CACNA2D3: variants seen among roughly 807,000 people sequenced by gnomAD.
CACNA2D3 encodes voltage-dependent calcium channel subunit alpha-2/delta-3.
Under a neutral mutation model 160.6 loss-of-function variants are expected in CACNA2D3, and 60 were observed. The observed-to-expected ratio is 0.37, with a 90% CI of 0.30 to 0.46. CACNA2D3 has a LOEUF of 0.46. Ranked by LOEUF, CACNA2D3 falls within the 20% of genes least tolerant of loss-of-function variation. The pLI is 1.00. For synonymous variants in CACNA2D3, 558 were observed against 492.9 expected, an observed-to-expected ratio of 1.13 and a Z score of -1.75; for missense variants, 1,205 against 1,365.0, an observed-to-expected ratio of 0.88 and a Z score of 1.85.
intron 4 of CACNA2D3, among the ~76,000 whole-genome samples, chr3:54,453,385 CAGTTTCCA>C (rs1323880152): frequency 1.3e-5 from 2 of 152,168 alleles, no homozygotes. Context: ...TGCAGAGACC[CAGTTTCCA>C]AGTAAGGTCA....
At chr3:54,153,620 A>C (rs1700189489) in intron 2 of CACNA2D3, among the ~76,000 whole-genome samples, 1 of 152,176 alleles carries the variant, frequency 6.6e-6, no homozygotes, top group South Asian at 2.1e-4. Context: ...GATGAAGAGA[A>C]ACCTTAAAGG....
intron 3 of CACNA2D3, among the ~76,000 whole-genome samples, chr3:54,378,180 CATCAGGG>C (rs1699041815): frequency 1.3e-5 from 2 of 152,162 alleles, no homozygotes; most frequent in African/African-American, 2.4e-5. Flanking sequence ...ACCTTTTTGG[CATCAGGG>C]ATCGGTTTCA....
intron 35 of CACNA2D3, among the ~76,000 whole-genome samples, chr3:55,056,133 A>G (rs1401889487): frequency 1.3e-5 from 2 of 152,214 alleles, no homozygotes; most frequent in Admixed American, 6.5e-5. Context: ...CCAGTTAAAA[A>G]GTGGACAAGG....
chr3:54,763,429 C>T (rs2360021), intron 12 of CACNA2D3, among the ~76,000 whole-genome samples: 63,296 of 151,696 alleles, frequency 0.42, 14,504 homozygotes, highest in Non-Finnish European at 0.5. Context: ...TGGCACCTAG[C>T]ACTCAAAAAT....
At chr3:55,027,671 AAC>A (rs1273136155) in intron 35 of CACNA2D3, among the ~76,000 whole-genome samples, 1 of 152,240 alleles carries the variant, frequency 6.6e-6, no homozygotes, top group Non-Finnish European at 1.5e-5. Context: ...ATTCAAAAAT[AAC>A]ACAATTCTGC....
intron 2 of CACNA2D3, among the ~76,000 whole-genome samples, chr3:54,242,517 C>T (rs12491823): frequency 0.18 from 27,808 of 151,990 alleles, 3,158 homozygotes; most frequent in African/African-American, 0.31. Context: ...TCAGCACCAC[C>T]ACTCTTGTAC....
chr3:54,626,248 C>T (rs567479259), intron 9 of CACNA2D3: 5 of 1,140,828 alleles, frequency 4.4e-6, no homozygotes, highest in East Asian at 5.1e-5. Context: ...GCAGACCTTC[C>T]GCAGGTTCAC....
chr3:55,054,411 G>A (rs950592011), intron 35 of CACNA2D3, among the ~76,000 whole-genome samples: 3 of 151,666 alleles, frequency 2.0e-5, no homozygotes, highest in Admixed American at 2.0e-4. Flanking sequence ...ATCTTCTGTT[G>A]CATTCAGTCT....
intron 35 of CACNA2D3, among the ~76,000 whole-genome samples, chr3:55,036,442 A>T (rs968931089): frequency 6.6e-6 from 1 of 151,788 alleles, no homozygotes; most frequent in South Asian, 2.1e-4. Flanking sequence ...TTTTATTTTT[A>T]TTTTTATTTA....
At chr3:54,133,481 T>C (rs116341108) in intron 2 of CACNA2D3, among the ~76,000 whole-genome samples, 1,627 of 152,342 alleles carry the variant, frequency 0.011, 37 homozygotes, top group African/African-American at 0.037. Context: ...GCATTGGTGT[T>C]AGTGTGGTAT....
chr3:54,880,225 T>G (rs2106840324), intron 20 of CACNA2D3, among the ~76,000 whole-genome samples: 1 of 152,362 alleles, frequency 6.6e-6, no homozygotes, highest in East Asian at 1.9e-4. Flanking sequence ...GGACTATGTT[T>G]TAAAAACATA....
intron 2 of CACNA2D3, among the ~76,000 whole-genome samples, chr3:54,214,282 A>G (rs1701425311): frequency 6.6e-6 from 1 of 152,344 alleles, no homozygotes; most frequent in Non-Finnish European, 1.5e-5. Flanking sequence ...CCATGCCTCA[A>G]TATCCAGTAT....
At chr3:54,962,687 A>G (rs923467780) in intron 27 of CACNA2D3, among the ~76,000 whole-genome samples, 2 of 152,062 alleles carry the variant, frequency 1.3e-5, no homozygotes, top group Non-Finnish European at 2.9e-5. Flanking sequence ...CAGCAAAACA[A>G]CTCCTGATTG....
chr3:54,224,881 TA>T (rs543799620), intron 2 of CACNA2D3, among the ~76,000 whole-genome samples: 5,041 of 147,936 alleles, frequency 0.034, 117 homozygotes, highest in Middle Eastern at 0.072. Flanking sequence ...TAATGTCAGT[TA>T]AAAAAAAAAT....
intron 2 of CACNA2D3, among the ~76,000 whole-genome samples, chr3:54,201,351 A>T (rs1329585146): frequency 1.3e-5 from 2 of 152,252 alleles, no homozygotes; most frequent in Admixed American, 6.5e-5. Context: ...AATTAGAGCC[A>T]TGATGGGAAA....
rs149909683 is a variant in CACNA2D3 at position 54,534,912 on chromosome 3, G to A, written c.545-27888G>A. ...ACTGCACTGCAGCCTGGGTGACAGA[G>A]CTAGCCTCTGTATCAAAAAATAAAC... is the stretch of plus-strand genomic sequence containing the variant. On this transcript the variant is annotated intron_variant, in intron 5 of 37. Transcript: ENST00000474759. 3.8e-3 allele frequency among the ~76,000 whole-genome samples: 572 copies of A among 152,294 alleles called. 1 individual carries two copies. Among genetic ancestry groups the A allele is most frequent in the Middle Eastern group, 6.8e-3 (2 of 294 alleles).
chr3:54,738,236 G>A (rs1701572154), intron 11 of CACNA2D3, among the ~76,000 whole-genome samples: 1 of 152,196 alleles, frequency 6.6e-6, no homozygotes, highest in Admixed American at 6.5e-5. Flanking sequence ...GAAAGAGTGA[G>A]TTTCCAAGTG....
intron 11 of CACNA2D3, among the ~76,000 whole-genome samples, chr3:54,671,775 G>A (rs942409533): frequency 6.6e-6 from 1 of 152,206 alleles, no homozygotes; most frequent in African/African-American, 2.4e-5. Context: ...TTAAAGCCAA[G>A]TGCTGCTTGC....
At chr3:54,962,585 G>A (rs144115971) in intron 27 of CACNA2D3, among the ~76,000 whole-genome samples, 86 of 152,250 alleles carry the variant, frequency 5.6e-4, no homozygotes, top group African/African-American at 2.0e-3. Flanking sequence ...AGCCAGAGCC[G>A]GTGCAACTCT....
Sources: gnomAD v4.1 joint callset for allele counts (sites outside exome capture counted in the v4.1 genomes callset) on GRCh38, gnomAD v4.1.1 for gene constraint, MANE v1.5 for transcripts, NCBI Gene and HGNC (gene_info 2026-07-23, HGNC 2026-07-21) for gene names.